The following ALOX5 variants were observed in gnomAD, a reference collection of about 807,000 sequenced individuals.
ALOX5 encodes the protein polyunsaturated fatty acid 5-lipoxygenase.
In ALOX5, 64 loss-of-function variants were observed where a neutral mutation model predicts 87.9. The ratio of observed to expected loss-of-function variants is 0.73; its 90% CI spans 0.60 to 0.90. The LOEUF (loss-of-function observed/expected upper bound fraction) is 0.90. Ranked by LOEUF, ALOX5 falls within the 40% of genes least tolerant of loss-of-function variation. The pLI is 0.00. For synonymous variants in ALOX5, 388 were observed against 355.1 expected (o/e 1.09, Z -1.04); for missense variants, 822 against 907.5 (o/e 0.91, Z 1.21).
At position 45,443,217 on chromosome 10, in the gene ALOX5, G is replaced by C; in HGVS notation, c.1451+1G>C. ...TCCTGGTGTGGGAAGCCATCAGGAC[G>C]TGAGCGCCCGCGGGGCGGTGGTCCT... On this transcript the variant is annotated splice_donor_variant, in intron 10 of 13. Coordinates refer to ENST00000374391, the MANE Select transcript of ALOX5 (RefSeq NM_000698.5). LOFTEE classifies it high-confidence loss of function. 1.2e-6 allele frequency: 2 copies of C among 1,612,416 alleles called. No individual in the cohort carries two copies. Among genetic ancestry groups the C allele is most frequent in the Non-Finnish European group, 1.7e-6 (2 of 1,179,320 alleles).
In ALOX5 at chr10:45,425,246, C is replaced by T; in HGVS notation, c.834+114C>T. ...AGACGCTAACTGCAGGCCCATCTGG[C>T]CTACAGCAGCCGCTTCCTTTTCCTG... On this transcript the variant is annotated intron_variant, in intron 6 of 13. Coordinates refer to ENST00000374391, the MANE Select transcript of ALOX5 (RefSeq NM_000698.5). This position sits in a 1 kb window ranked among gnomAD's most constrained non-coding sequence, Gnocchi z 4.4. 7.7e-7 allele frequency: 1 copy of T among 1,292,698 alleles called. No homozygotes were observed. Among genetic ancestry groups the T allele is most frequent in the Non-Finnish European group, 1.0e-6 (1 of 959,804 alleles). 80.1% of individuals were successfully genotyped at this position (1,292,698 alleles called of 1,614,324 possible).
At chr10:45,435,275 T>TAA (rs1171256578) in intron 7 of ALOX5, among the ~76,000 whole-genome samples, 85 of 151,850 alleles carry the variant, frequency 5.6e-4, no homozygotes, top group African/African-American at 1.9e-3. Context: ...TTTTTTTTTT[T>TAA]AATATATAAA....
chr10:45,424,262 T>G, intron 5 of ALOX5, 115 bp downstream of exon 5: 3 of 862,676 alleles, frequency 3.5e-6, no homozygotes, highest in Non-Finnish European at 5.8e-6. Flanking sequence ...CATGGGGGCC[T>G]CGCTGCCACC....
Position 45,377,583 on chromosome 10 carries a change from G to A in ALOX5, c.150+3154G>A, listed in dbSNP as rs545970710. On this transcript the variant is annotated intron_variant, in intron 1 of 13. Coordinates refer to ENST00000374391, the MANE Select transcript of ALOX5 (RefSeq NM_000698.5). ...ACCCCAATCCCTCTCTCCGTCCCTT[G>A]TTTTCCTCAGCTCTTCCCCATAGCC... Among the ~76,000 whole-genome samples, 8 of 151,626 alleles carry A rather than the reference G, an allele frequency of 5.3e-5. No homozygotes were observed. The East Asian group carries it at 7.8e-4, about 15-fold the overall frequency.
intron 7 of ALOX5, among the ~76,000 whole-genome samples, chr10:45,439,849 G>A (rs983157602): frequency 6.6e-6 from 1 of 152,236 alleles, no homozygotes; most frequent in South Asian, 2.1e-4. Context: ...CCTGGCCACA[G>A]GTGTGGGCTC....
chr10:45,390,283 G>A (rs1840171905), intron 2 of ALOX5, among the ~76,000 whole-genome samples: 1 of 152,174 alleles, frequency 6.6e-6, no homozygotes, highest in African/African-American at 2.4e-5. Flanking sequence ...ACAGATCAAT[G>A]AGACAGAAAG....
chr10:45,440,460 AT>A lies in ALOX5; in HGVS notation c.1016del (p.Phe339SerfsTer63). 1 of 1,614,116 alleles carries A rather than the reference AT, an allele frequency of 6.2e-7. No individual in the cohort carries two copies. The highest frequency in any genetic ancestry group is 8.5e-7 in the Non-Finnish European group (1 of 1,180,020). On this transcript the variant is annotated frameshift_variant, in exon 8 of 14. Coordinates refer to ENST00000374391, the MANE Select transcript of ALOX5 (RefSeq NM_000698.5). LOFTEE classifies it high-confidence loss of function. ...CCAAATCCCGGGAGATGAGAACCCT[AT>A]TTTCCTCCCTTCGGATGCAAAATAC... is the stretch of plus-strand genomic sequence containing the variant. ...LNQIPGDENP[I>X]FLPSDAKYDW...
At position 45,443,104 on chromosome 10, in the gene ALOX5, G is replaced by A. The variant is rs28395869; in HGVS notation, c.1339G>A (p.Ala447Thr). The A allele has an allele frequency of 3.1e-6, 5 of 1,613,834 alleles. No homozygotes were observed. Among genetic ancestry groups the A allele is most frequent in the Admixed American group, 1.7e-5 (1 of 60,020 alleles). ...GAGGGCCATGAAGGACCTGACCTAT[G>A]CCTCCCTGTGCTTTCCCGAGGCCAT... ...VQRAMKDLTY[A>T]SLCFPEAIKA... The change falls in exon 10 of 14, where the codon GCC becomes ACC. Residue 447 changes from alanine (A) to threonine (T), a missense_variant. Ala to Thr is a moderately conservative substitution (Grantham distance 58). Transcript: ENST00000374391.
intron 3 of ALOX5, among the ~76,000 whole-genome samples, chr10:45,410,368 A>G (rs1841027054): frequency 6.6e-6 from 1 of 152,262 alleles, no homozygotes. Context: ...ATTGGCATTA[A>G]TACAAACAGC....
chr10:45,379,452 C>T lies in ALOX5; in HGVS notation c.151-3031C>T, dbSNP rs74867877. On this transcript the variant is annotated intron_variant, in intron 1 of 13. Coordinates refer to ENST00000374391, the MANE Select transcript of ALOX5 (RefSeq NM_000698.5). ...GCCTCCCACTCTCCCTCTGTCCTCA[C>T]AGCCCTGTCTCCAGCCTTTCAGGAG... Among the ~76,000 whole-genome samples, 352 of 152,364 alleles carry T rather than the reference C, an allele frequency of 2.3e-3. 2 individuals are homozygous for T. The highest frequency in any genetic ancestry group is 8.0e-3 in the African/African-American group (331 of 41,590).
intron 3 of ALOX5, among the ~76,000 whole-genome samples, chr10:45,403,042 C>T (rs928783360): frequency 6.6e-6 from 1 of 152,114 alleles, no homozygotes; most frequent in Non-Finnish European, 1.5e-5. Context: ...CATATACCAC[C>T]GGCAGGAGGA....
At chr10:45,413,829 C>T (rs1042256958) in intron 4 of ALOX5, among the ~76,000 whole-genome samples, 22 of 152,156 alleles carry the variant, frequency 1.4e-4, no homozygotes, top group Admixed American at 1.2e-3. Context: ...TGAGTGAACT[C>T]CCATTCACAA....
chr10:45,445,466 T>C (rs1334297334), intron 13 of ALOX5, 42 bp from the exon 14 acceptor site: 1 of 1,586,692 alleles, frequency 6.3e-7, no homozygotes, highest in Admixed American at 1.7e-5. Context: ...TTTACACGGG[T>C]AGTGGATTGA....
chr10:45,382,035 C>T lies in ALOX5; in HGVS notation c.151-448C>T, dbSNP rs181929304. On this transcript the variant is annotated intron_variant, in intron 1 of 13. Transcript: ENST00000374391. The stretch of plus-strand genomic sequence containing the variant: ...ACAAGTTGTACGTGGCATGGGAGCC[C>T]TCTTAAAAAGATGAAGACCCCAAGA... Among the ~76,000 whole-genome samples the T allele has an allele frequency of 2.3e-3, 352 of 152,338 alleles. 2 individuals are homozygous for T. The highest frequency in any genetic ancestry group is 8.0e-3 in the African/African-American group (331 of 41,582).
intron 4 of ALOX5, 70 bp downstream of exon 4, chr10:45,412,383 C>T: frequency 1.3e-6 from 2 of 1,581,192 alleles, no homozygotes; most frequent in Middle Eastern, 1.7e-4. Context: ...GGAACCCTCA[C>T]TCCTTTCCTC....
intron 3 of ALOX5, among the ~76,000 whole-genome samples, chr10:45,397,109 G>A (rs6593484): frequency 0.13 from 20,077 of 152,232 alleles, 1,600 homozygotes; most frequent in Non-Finnish European, 0.17. Context: ...TAGGCTGGGC[G>A]TGGTGGTTCA....
At chr10:45,392,718 A>G (rs564729292) in intron 2 of ALOX5, among the ~76,000 whole-genome samples, 1 of 151,608 alleles carries the variant, frequency 6.6e-6, no homozygotes, top group Non-Finnish European at 1.5e-5. Context: ...AAAAAAAGAA[A>G]AAAAAAAGAA....
chr10:45,376,173 T>C (rs1329096958), intron 1 of ALOX5, among the ~76,000 whole-genome samples: 1 of 146,032 alleles, frequency 6.8e-6, no homozygotes, highest in Non-Finnish European at 1.5e-5. Context: ...CACTGTTTTG[T>C]CCACTATCTC....
Position 45,443,794 on chromosome 10 carries a change from C to G in ALOX5, c.1640C>G (p.Ala547Gly). ...SEYLTVVIFT[A>G]SAQHAAVNFG... Reference sequence around the variant, plus strand: ...TACCTGACCGTGGTGATCTTCACCGCCTCCGCCCAGCACGCCGCGGTCAAC... The same window carrying G: ...TACCTGACCGTGGTGATCTTCACCGGCTCCGCCCAGCACGCCGCGGTCAAC... The change falls in exon 12 of 14, where the codon GCC becomes GGC. Residue 547 changes from alanine to glycine, a missense_variant. Coordinates refer to ENST00000374391, the MANE Select transcript of ALOX5 (RefSeq NM_000698.5). The G allele has an allele frequency of 6.2e-7, 1 of 1,611,408 alleles. No homozygotes were observed. Among genetic ancestry groups the G allele is most frequent in the Non-Finnish European group, 8.5e-7 (1 of 1,179,040 alleles).
Sources: allele counts gnomAD v4.1 joint callset (sites outside exome capture counted in the v4.1 genomes callset), GRCh38; gene constraint gnomAD v4.1.1; non-coding constraint Gnocchi (gnomAD v3.1); transcripts MANE v1.5; gene names NCBI Gene and HGNC (gene_info 2026-07-23, HGNC 2026-07-21).